Variants in MCM2 observed in about 807,000 individuals in gnomAD.
MCM2 encodes DNA replication licensing factor MCM2.
A neutral mutation model predicts 86.4 loss-of-function variants in MCM2; 49 were observed. That is an observed-to-expected ratio of 0.57 (90% CI 0.45 to 0.72). MCM2 has a LOEUF of 0.72. Among genes scored for constraint, MCM2 ranks in the 30% least tolerant of loss-of-function variants. MCM2 has a pLI of 0.00. For synonymous variants in MCM2, 475 were observed against 484.6 expected, an observed-to-expected ratio of 0.98 and a Z score of 0.26; for missense variants, 1,038 against 1,259.9, an observed-to-expected ratio of 0.82 and a Z score of 2.67.
In MCM2 at chr3:127,617,595, C is replaced by A. The variant is rs760383189; in HGVS notation, c.1900+190C>A. 1 of 707,654 alleles carries A rather than the reference C, an allele frequency of 1.4e-6. No homozygotes were observed. The highest frequency in any genetic ancestry group is 2.3e-6 in the Non-Finnish European group (1 of 436,460). The allele number at this position is 707,654 out of a possible 1,614,324, so 43.8% of individuals were successfully genotyped here. ...GTGGGACCTGGGACACCTGGGTTTC[C>A]TGTTGAGTCATGTTCCTGGAATCAC... On this transcript the variant is annotated intron_variant, in intron 11 of 15. Coordinates refer to ENST00000265056, the MANE Select transcript of MCM2 (RefSeq NM_004526.4). This position sits in a 1 kb window ranked among gnomAD's most constrained non-coding sequence, Gnocchi z 4.1.
intron 9 of MCM2, 49 bp downstream of exon 9, chr3:127,616,004 G>A: frequency 7.1e-7 from 1 of 1,412,980 alleles, no homozygotes; most frequent in Non-Finnish European, 1.0e-6. Context: ...TTTCTCTTTG[G>A]GGAGCCAGCA....
chr3:127,598,759 AAGAC>A (rs2107683420), intron 1 of MCM2: 2 of 492,706 alleles, frequency 4.1e-6, no homozygotes, highest in East Asian at 6.8e-5. Context: ...GAGCGTACAA[AAGAC>A]AGGCCCCCAT....
At chr3:127,598,877 A>G (rs561206103) in intron 1 of MCM2, 3 of 356,286 alleles carry the variant, frequency 8.4e-6, no homozygotes, top group Non-Finnish European at 1.5e-5. Flanking sequence ...TTTGTCTTGT[A>G]TACTGTCTGT....
At chr3:127,607,674 T>TA (rs1553742087) in intron 6 of MCM2, among the ~76,000 whole-genome samples, 2 of 152,226 alleles carry the variant, frequency 1.3e-5, no homozygotes, top group African/African-American at 2.4e-5. Flanking sequence ...GGTTAACAGT[T>TA]ACAGCTATCA....
chr3:127,620,699 C>T lies in MCM2; in HGVS notation c.2267C>T (p.Ala756Val), dbSNP rs147917433. ...ACCTGACACTGTGCTTCTCTCCAGG[C>T]GACAGGCAGCATCCCCATTACGGTG... ...MYSDLRKESM[A>V]TGSIPITVRH... The change falls in exon 14 of 16, where the codon GCG (alanine) becomes GTG (valine). Residue 756 changes from alanine (A) to valine (V), a missense_variant and splice_region_variant. Coordinates refer to ENST00000265056, the MANE Select transcript of MCM2 (RefSeq NM_004526.4). The T allele has an allele frequency of 1.4e-5, 23 of 1,586,340 alleles. No individual in the cohort carries two copies. Among genetic ancestry groups the T allele is most frequent in the Admixed American group, 5.2e-5 (3 of 57,186 alleles).
In MCM2 at chr3:127,617,262, C is replaced by T. The variant is rs1485950799; in HGVS notation, c.1774-17C>T. 6.2e-7 allele frequency: 1 copy of T among 1,613,846 alleles called. No individual in the cohort carries two copies. On this transcript the variant is annotated splice_polypyrimidine_tract_variant and intron_variant, in intron 10 of 15. Coordinates refer to ENST00000265056, the MANE Select transcript of MCM2 (RefSeq NM_004526.4). This position sits in a 1 kb window ranked among gnomAD's most constrained non-coding sequence, Gnocchi z 4.1. ...GGGCGTGAACCATGCTAAGGGTGGG[C>T]CATTTTAATCTTGCAGATGAATGAC...
chr3:127,621,136 C>T lies in MCM2; in HGVS notation c.2512C>T (p.Gln838Ter), dbSNP rs750345769. 1.9e-6 allele frequency: 3 copies of T among 1,614,210 alleles called. No individual in the cohort carries two copies. Among genetic ancestry groups the T allele is most frequent in the Non-Finnish European group, 1.7e-6 (2 of 1,180,042 alleles). The change falls in exon 15 of 16, where the codon CAG (glutamine) becomes TAG (stop). Residue 838 changes from glutamine (Q) to a stop codon, truncating the protein, a stop_gained. Coordinates refer to ENST00000265056, the MANE Select transcript of MCM2 (RefSeq NM_004526.4). LOFTEE classifies it high-confidence loss of function. The stretch of plus-strand genomic sequence containing the variant: ...TGAGCTGTTGCTCTTCATACTGAAG[C>T]AGTTAGTGGCAGAGCAGGTGACATA... ...NNELLLFILK[Q>*]LVAEQVTYQR...
chr3:127,604,857 G>A (rs370135831), intron 3 of MCM2, 39 bp from the exon 4 acceptor site: 41 of 1,584,868 alleles, frequency 2.6e-5, no homozygotes, highest in Admixed American at 1.5e-4. Context: ...AGAAGGTGCT[G>A]GGGATGACCG....
rs201802595 is a variant in MCM2, at chr3:127,606,791, G to A, written c.1075G>A (p.Gly359Ser). Residue 359 changes from glycine (G) to serine (S), a missense_variant, in exon 6 of 16, where the codon GGC (glycine) becomes AGC (serine). Physicochemically the swap from Gly to Ser is moderately conservative, Grantham distance 56 (BLOSUM62 0). This residue lies in a region of MCM2 where 399 missense variants were observed against 507.2 expected (regional missense o/e 0.79). Transcript: ENST00000265056. The surrounding 1 kb of genome is among the most constrained non-coding windows in gnomAD (Gnocchi z 4.2). ...PGSCPECQSAGPFEVNMEETI... is the reference protein window; with the variant it reads ...PGSCPECQSASPFEVNMEETI... ...CTCCTGTCCTGAGTGCCAGTCGGCCGGCCCCTTTGAGGTCAACATGGAGGA... is the reference window on the plus strand; with the variant it reads ...CTCCTGTCCTGAGTGCCAGTCGGCCAGCCCCTTTGAGGTCAACATGGAGGA... 2.5e-5 allele frequency: 41 copies of A among 1,614,216 alleles called. No homozygotes were observed. The Admixed American group carries it at 3.8e-4, about 15-fold the overall frequency.
rs1200138906 is a variant in MCM2, at chr3:127,617,182, G to C, written c.1773+64G>C. The stretch of plus-strand genomic sequence containing the variant: ...GGTGTGTGTGGGCTTGGGCCTTAGC[G>C]ACGGGAATGGTGTTAATGGGGTCCA... On this transcript the variant is annotated intron_variant, in intron 10 of 15. Transcript: ENST00000265056. This position sits in a 1 kb window ranked among gnomAD's most constrained non-coding sequence, Gnocchi z 4.1. 6.2e-7 allele frequency: 1 copy of C among 1,603,612 alleles called. No homozygotes were observed. Among genetic ancestry groups the C allele is most frequent in the Non-Finnish European group, 8.5e-7 (1 of 1,173,156 alleles).
At chr3:127,615,809 C>A (rs1290762671) in intron 8 of MCM2, 53 bp from the exon 9 acceptor site, 3 of 1,338,982 alleles carry the variant, frequency 2.2e-6, no homozygotes, top group African/African-American at 1.4e-5. Context: ...ATGTGGGTGA[C>A]CTACTCTGTG....
At chr3:127,598,528 G>T in intron 1 of MCM2, 56 bp downstream of exon 1, 1 of 1,598,294 alleles carries the variant, frequency 6.3e-7, no homozygotes, top group South Asian at 1.1e-5. Context: ...CGGAGGCTGC[G>T]CGCTTCCCGT....
In MCM2 at chr3:127,616,840, C is replaced by T. The variant is rs776795524; in HGVS notation, c.1523-28C>T. On this transcript the variant is annotated intron_variant, in intron 9 of 15. Transcript: ENST00000265056. ...CCTCCTCTCACTTCCCACTCTCCCC[C>T]TCCCCCGCTTCTACTCATCCCCTCC... 5 of 1,602,600 alleles carry T rather than the reference C, an allele frequency of 3.1e-6. No homozygotes were observed. In the African/African-American group the frequency reaches 4.0e-5, roughly 13 times the overall value.
intron 8 of MCM2, among the ~76,000 whole-genome samples, chr3:127,614,428 A>G (rs1353426322): frequency 6.6e-6 from 1 of 152,306 alleles, no homozygotes; most frequent in East Asian, 1.9e-4. Context: ...AAGATCCATA[A>G]GTTGTGATTG....
intron 8 of MCM2, among the ~76,000 whole-genome samples, chr3:127,609,783 G>A (rs942378968): frequency 4.7e-5 from 7 of 149,340 alleles, no homozygotes; most frequent in African/African-American, 1.7e-4. Context: ...GTGTTCTCAA[G>A]CTCGCTGCTC....
At chr3:127,604,408 G>A (rs367647386) in intron 2 of MCM2, 200 bp from the exon 3 acceptor site, 36 of 539,282 alleles carry the variant, frequency 6.7e-5, no homozygotes, top group African/African-American at 3.6e-4. Context: ...AGGCTTCATC[G>A]TCCATCATAT....
Position 127,618,987 on chromosome 3 carries a change from A to C in MCM2, c.2014-40A>C. The C allele has an allele frequency of 6.5e-7, 1 of 1,532,264 alleles. No individual in the cohort carries two copies. Among genetic ancestry groups the C allele is most frequent in the Non-Finnish European group, 8.8e-7 (1 of 1,135,682 alleles). The allele number at this position is 1,532,264 out of a possible 1,614,324, so 94.9% of individuals were successfully genotyped here. A position where few individuals can be genotyped will look rare whatever the true frequency, so the allele number is the denominator to read the frequency against. ...GCCACTGACCTCCCCAAAGCCACGC[A>C]CACCCACAATCAGACCCACCCTCTC... On this transcript the variant is annotated intron_variant, in intron 12 of 15. Coordinates refer to ENST00000265056, the MANE Select transcript of MCM2 (RefSeq NM_004526.4). This position sits in a 1 kb window ranked among gnomAD's most constrained non-coding sequence, Gnocchi z 4.0.
At chr3:127,610,923 A>G in intron 8 of MCM2, 1 of 456,734 alleles carries the variant, frequency 2.2e-6, no homozygotes, top group Non-Finnish European at 4.4e-6. Flanking sequence ...CAGGAGCTTC[A>G]GTTCAGCCAA....
chr3:127,612,354 G>A (rs879890754), intron 8 of MCM2, among the ~76,000 whole-genome samples: 2 of 152,202 alleles, frequency 1.3e-5, no homozygotes, highest in African/African-American at 2.4e-5. Context: ...GACTTTTTAG[G>A]TTTGAATTTT....
Sources: allele counts gnomAD v4.1 joint callset (sites outside exome capture counted in the v4.1 genomes callset), GRCh38; gene constraint gnomAD v4.1.1; regional missense constraint gnomAD v4.1.1; non-coding constraint Gnocchi (gnomAD v3.1); transcripts MANE v1.5; gene names NCBI Gene and HGNC (gene_info 2026-07-23, HGNC 2026-07-21).